The following C1orf50 variants were observed in gnomAD, a reference collection of about 807,000 sequenced individuals.
C1orf50 encodes chromosome 1 open reading frame 50.
A neutral mutation model predicts 23.3 loss-of-function variants in C1orf50; 22 were observed. The observed-to-expected ratio is 0.94, with a 90% CI of 0.67 to 1.35. The LOEUF is 1.35. C1orf50 is among the 40% of genes most tolerant of loss of function. The pLI is 0.00. For synonymous variants in C1orf50, 96 were observed against 102.4 expected (o/e 0.94, Z 0.38); for missense variants, 271 against 249.4 (o/e 1.09, Z -0.58).
chr1:42,777,767 A>G lies in C1orf50; in HGVS notation c.*2373A>G, dbSNP rs894908726. 1 of 151,938 alleles carries G rather than the reference A, an allele frequency of 6.6e-6. No individual in the cohort carries two copies. Among genetic ancestry groups the G allele is most frequent in the East Asian group, 2.0e-4 (1 of 5,096 alleles). 9.4% of individuals were successfully genotyped at this position (151,938 alleles called of 1,614,324 possible). On this transcript the variant is annotated 3_prime_UTR_variant, in exon 5 of 5. Coordinates refer to ENST00000372525, the MANE Select transcript of C1orf50 (RefSeq NM_024097.4). ...AGAAGAAGAAAGGAAAATTCTAGGTAAAAAAGGCAATATTACTAAGTGGTT... is the reference window on the plus strand; with the variant it reads ...AGAAGAAGAAAGGAAAATTCTAGGTGAAAAAGGCAATATTACTAAGTGGTT...
intron 2 of C1orf50, among the ~76,000 whole-genome samples, chr1:42,770,308 G>C (rs532845026): frequency 6.6e-6 from 1 of 151,866 alleles, no homozygotes; most frequent in East Asian, 1.9e-4. Flanking sequence ...TTTTGTTTAT[G>C]AGATTTATTG....
rs1653354467 is a variant in C1orf50, at chr1:42,777,031, TCTGAAGGC to T, written c.*1642_*1649del. 6 of 152,224 alleles carry T rather than the reference TCTGAAGGC, an allele frequency of 3.9e-5. No homozygotes were observed. In the South Asian group the frequency reaches 1.2e-3, roughly 32 times the overall value. The allele number at this position is 152,224 out of a possible 1,614,324, so 9.4% of individuals were successfully genotyped here. A position where few individuals can be genotyped will look rare whatever the true frequency, so the allele number is the denominator to read the frequency against. ...AAGTTATTGGTCAGGGCTGTTCTTA[TCTGAAGGC>T]CTGAGTGGGGAAGGATCTGCTTCCA... On this transcript the variant is annotated 3_prime_UTR_variant, in exon 5 of 5. Coordinates refer to ENST00000372525, the MANE Select transcript of C1orf50 (RefSeq NM_024097.4).
In C1orf50 at chr1:42,778,318, T is replaced by G. The variant is rs964481200; in HGVS notation, c.*2924T>G. 6 of 152,174 alleles carry G rather than the reference T, an allele frequency of 3.9e-5. No homozygotes were observed. In the East Asian group the frequency reaches 7.7e-4, roughly 20 times the overall value. The allele number at this position is 152,174 out of a possible 1,614,324, so 9.4% of individuals were successfully genotyped here. A position where few individuals can be genotyped will look rare whatever the true frequency, so the allele number is the denominator to read the frequency against. On this transcript the variant is annotated 3_prime_UTR_variant, in exon 5 of 5. Coordinates refer to ENST00000372525, the MANE Select transcript of C1orf50 (RefSeq NM_024097.4). ...ACAGTATAGTAGGGAAGGAAACAAG[T>G]TAACAATTACAAGATGCTCTAAGAA... is the stretch of plus-strand genomic sequence containing the variant.
At chr1:42,771,944 C>T (rs1325833860) in intron 2 of C1orf50, among the ~76,000 whole-genome samples, 1 of 150,178 alleles carries the variant, frequency 6.7e-6, no homozygotes, top group Non-Finnish European at 1.5e-5. Context: ...CACTGCATTC[C>T]AGCCTCCGTG....
Position 42,773,543 on chromosome 1 carries a change from T to C in C1orf50, c.196-20T>C. On this transcript the variant is annotated intron_variant, in intron 2 of 4. Transcript: ENST00000372525. ...TCTTTTCCTCTTTCAACCCACAGTT[T>C]AGTTTTTTCTCACCTGTAGGCTGAT... 1.4e-6 allele frequency: 2 copies of C among 1,481,274 alleles called. No individual in the cohort carries two copies. The highest frequency in any genetic ancestry group is 1.9e-6 in the Non-Finnish European group (2 of 1,062,498). 91.8% of individuals were successfully genotyped at this position (1,481,274 alleles called of 1,614,324 possible). A position where few individuals can be genotyped will look rare whatever the true frequency, so the allele number is the denominator to read the frequency against.
At chr1:42,771,552 C>T (rs1202397113) in intron 2 of C1orf50, among the ~76,000 whole-genome samples, 2 of 151,684 alleles carry the variant, frequency 1.3e-5, no homozygotes, top group South Asian at 2.1e-4. Context: ...ATATCAAATG[C>T]AAAATATGGA....
intron 2 of C1orf50, among the ~76,000 whole-genome samples, chr1:42,771,571 A>G (rs1653221384): frequency 6.6e-6 from 1 of 152,238 alleles, no homozygotes; most frequent in South Asian, 2.1e-4. Context: ...GATTAGACTG[A>G]GAAGGACCAA....
intron 2 of C1orf50, among the ~76,000 whole-genome samples, chr1:42,768,764 A>G (rs1303609958): frequency 6.6e-6 from 1 of 152,174 alleles, no homozygotes; most frequent in Non-Finnish European, 1.5e-5. Flanking sequence ...TTCATGTGCT[A>G]TTGAATGACT....
chr1:42,770,370 A>G lies in C1orf50; in HGVS notation c.195+2746A>G, dbSNP rs561194046. Among the ~76,000 whole-genome samples the G allele has an allele frequency of 8.5e-5, 13 of 152,106 alleles. 1 individual carries two copies. The South Asian group carries it at 1.7e-3, about 19-fold the overall frequency. Reference sequence around the variant, plus strand: ...ATTATAAGGCCACCCCTAATCTGGAACTACCTTAGCTCTAGAAATACCTAC... The same window carrying G: ...ATTATAAGGCCACCCCTAATCTGGAGCTACCTTAGCTCTAGAAATACCTAC... On this transcript the variant is annotated intron_variant, in intron 2 of 4. Coordinates refer to ENST00000372525, the MANE Select transcript of C1orf50 (RefSeq NM_024097.4).
At chr1:42,773,519 C>G (rs1278088847) in intron 2 of C1orf50, 44 bp from the exon 3 acceptor site, 2 of 1,176,212 alleles carry the variant, frequency 1.7e-6, no homozygotes, top group Admixed American at 3.7e-5. Flanking sequence ...TCATAGAAGT[C>G]TTTTCCTCTT....
chr1:42,775,426 C>T lies in C1orf50; in HGVS notation c.*32C>T. The T allele has an allele frequency of 6.5e-7, 1 of 1,537,028 alleles. No homozygotes were observed. The highest frequency in any genetic ancestry group is 8.9e-7 in the Non-Finnish European group (1 of 1,125,680). On this transcript the variant is annotated 3_prime_UTR_variant, in exon 5 of 5. Coordinates refer to ENST00000372525, the MANE Select transcript of C1orf50 (RefSeq NM_024097.4). The stretch of plus-strand genomic sequence containing the variant: ...GCTTTGACAAACAGCTCTCACAGGA[C>T]CTGGCTGTCAACCTCCTTGTTGCCC...
intron 2 of C1orf50, among the ~76,000 whole-genome samples, chr1:42,768,370 C>CA (rs1442007247): frequency 6.6e-6 from 1 of 152,196 alleles, no homozygotes; most frequent in Non-Finnish European, 1.5e-5. Context: ...TCCAGTTGTA[C>CA]ACCCTCTTCA....
At chr1:42,773,971 C>T (rs1421945293) in intron 3 of C1orf50, among the ~76,000 whole-genome samples, 2 of 151,436 alleles carry the variant, frequency 1.3e-5, no homozygotes, top group South Asian at 2.1e-4. Context: ...TACAGGTGCC[C>T]GCCACCACAC....
rs762133303 is a variant in C1orf50 at position 42,775,357 on chromosome 1, C to T, written c.563C>T (p.Pro188Leu). ...TLLSQSVALP[P>L]CTEPNFQGLT... Reference sequence around the variant, plus strand: ...CTAAGCCAGTCAGTGGCCCTGCCTCCGTGCACTGAACCCAACTTCCAGGGA... The same window carrying T: ...CTAAGCCAGTCAGTGGCCCTGCCTCTGTGCACTGAACCCAACTTCCAGGGA... Residue 188 changes from proline to leucine, a missense_variant, in exon 5 of 5, where the codon CCG becomes CTG. Transcript: ENST00000372525. 2.6e-5 allele frequency: 41 copies of T among 1,607,300 alleles called. No homozygotes were observed. In the East Asian group the frequency reaches 2.7e-4, roughly 11 times the overall value.
intron 2 of C1orf50, among the ~76,000 whole-genome samples, chr1:42,770,402 C>T (rs1653190646): frequency 6.6e-6 from 1 of 151,700 alleles, no homozygotes; most frequent in Non-Finnish European, 1.5e-5. Context: ...CTACTCTCTC[C>T]TTGGCCATAT....
chr1:42,773,766 G>A (rs1653273380), intron 3 of C1orf50, 117 bp downstream of exon 3: 1 of 620,720 alleles, frequency 1.6e-6, no homozygotes, highest in South Asian at 1.9e-5. Flanking sequence ...GAAATGTAGA[G>A]GTGTTGAGTA....
chr1:42,771,118 A>G (rs1003989976), intron 2 of C1orf50, among the ~76,000 whole-genome samples: 4 of 152,208 alleles, frequency 2.6e-5, no homozygotes, highest in African/African-American at 7.2e-5. Flanking sequence ...CTCATTTGTT[A>G]TCTTTAACCT....
At chr1:42,767,697 C>T in intron 2 of C1orf50, 73 bp downstream of exon 2, 2 of 1,326,780 alleles carry the variant, frequency 1.5e-6, no homozygotes, top group Non-Finnish European at 2.1e-6. Context: ...CGGCTCAGAC[C>T]TCACTACCAC....
At chr1:42,774,179 A>C (rs1653283365) in intron 3 of C1orf50, among the ~76,000 whole-genome samples, 1 of 152,176 alleles carries the variant, frequency 6.6e-6, no homozygotes, top group Non-Finnish European at 1.5e-5. Flanking sequence ...GCACAGAAAA[A>C]TAGGAAAGAA....
Sources: gnomAD v4.1 joint callset for allele counts (sites outside exome capture counted in the v4.1 genomes callset) on GRCh38, gnomAD v4.1.1 for gene constraint, MANE v1.5 for transcripts, NCBI Gene and HGNC (gene_info 2026-07-23, HGNC 2026-07-21) for gene names.